RASEF: variants seen among roughly 807,000 people sequenced by gnomAD.
RASEF encodes the protein ras and EF-hand domain-containing protein.
A neutral mutation model predicts 90.1 loss-of-function variants in RASEF; 68 were observed. That is an observed-to-expected ratio of 0.75 (90% CI 0.62 to 0.92). The LOEUF is 0.92. RASEF is among the 40% of genes least tolerant of loss of function. The probability of loss-of-function intolerance (pLI) is 0.00; values close to 1 mark genes in which losing one functional copy is unlikely to be tolerated. For synonymous variants in RASEF, 331 were observed against 345.2 expected, an observed-to-expected ratio of 0.96 and a Z score of 0.46; for missense variants, 949 against 937.2, an observed-to-expected ratio of 1.01 and a Z score of -0.16.
the RASEF span, among the ~76,000 whole-genome samples, chr9:83,153,871 A>T: frequency 4.6e-5 from 7 of 152,230 alleles, no homozygotes; most frequent in African/African-American, 1.4e-4. Flanking sequence ...ATGGAATGTC[A>T]TCTCACTGAG....
intron 1 of RASEF, chr9:83,048,214 G>A: frequency 1.0e-6 from 1 of 985,400 alleles, no homozygotes; most frequent in Non-Finnish European, 1.2e-6. Context: ...TCATCTGACA[G>A]GGACCGGCAG....
chr9:83,128,386 T>C, the RASEF span, among the ~76,000 whole-genome samples: 1 of 152,064 alleles, frequency 6.6e-6, no homozygotes. Context: ...CCTTCACCTA[T>C]TTCATATATA....
the RASEF span, among the ~76,000 whole-genome samples, chr9:83,125,655 G>A: frequency 2.0e-5 from 3 of 152,268 alleles, no homozygotes; most frequent in East Asian, 5.8e-4. Flanking sequence ...AGCAAACATT[G>A]TTAATGAAGT....
chr9:83,086,196 G>A, the RASEF span, among the ~76,000 whole-genome samples: 4 of 152,080 alleles, frequency 2.6e-5, no homozygotes, highest in Non-Finnish European at 5.9e-5. Flanking sequence ...TAAAATCAGA[G>A]ACCATGTATT....
the RASEF span, among the ~76,000 whole-genome samples, chr9:83,122,868 C>T: frequency 1.4e-4 from 22 of 152,208 alleles, no homozygotes; most frequent in Admixed American, 3.9e-4. Flanking sequence ...GGACTGAGTG[C>T]GAAGAGATGA....
the RASEF span, among the ~76,000 whole-genome samples, chr9:83,079,361 G>A: frequency 6.6e-6 from 1 of 151,978 alleles, no homozygotes; most frequent in African/African-American, 2.4e-5. Flanking sequence ...CATAGATGTG[G>A]GGCCTTATTT....
chr9:83,030,641 G>C (rs1829628861), intron 1 of RASEF, among the ~76,000 whole-genome samples: 1 of 152,146 alleles, frequency 6.6e-6, no homozygotes, highest in African/African-American at 2.4e-5. Context: ...TGTTGTGCCA[G>C]GACTCCACCA....
the RASEF span, chr9:83,202,108 T>TCCTA: frequency 7.3e-6 from 1 of 136,590 alleles, no homozygotes; most frequent in Admixed American, 7.7e-5. Flanking sequence ...CACCAATAAA[T>TCCTA]CCTACTTCCT....
chr9:83,188,372 C>T, the RASEF span, among the ~76,000 whole-genome samples: 1 of 152,170 alleles, frequency 6.6e-6, no homozygotes, highest in African/African-American at 2.4e-5. Flanking sequence ...AGTAATAGTT[C>T]ATTCATTTCA....
At chr9:83,086,776 G>C in the RASEF span, among the ~76,000 whole-genome samples, 7 of 152,084 alleles carry the variant, frequency 4.6e-5, no homozygotes, top group African/African-American at 1.7e-4. Flanking sequence ...AAGACTGCTG[G>C]CTTCTCCCAG....
At chr9:83,192,582 G>A in the RASEF span, among the ~76,000 whole-genome samples, 4 of 152,070 alleles carry the variant, frequency 2.6e-5, no homozygotes, top group Non-Finnish European at 5.9e-5. Flanking sequence ...GGAGAGAGGG[G>A]AGCAGAAAAA....
intron 1 of RASEF, among the ~76,000 whole-genome samples, chr9:83,041,164 T>C (rs1411213513): frequency 6.6e-6 from 1 of 152,260 alleles, no homozygotes; most frequent in East Asian, 1.9e-4. Flanking sequence ...CCCGGTGCTC[T>C]GGCCTTTTTA....
chr9:83,205,950 C>T, the RASEF span, among the ~76,000 whole-genome samples: 8 of 152,016 alleles, frequency 5.3e-5, no homozygotes. Context: ...TATAACTACC[C>T]TAAAAATATG....
chr9:82,995,157 A>G (rs1455002800), intron 14 of RASEF, among the ~76,000 whole-genome samples: 2 of 152,248 alleles, frequency 1.3e-5, no homozygotes, highest in Admixed American at 6.5e-5. Context: ...AAAAGATGAC[A>G]ACGTGTGAAG....
At chr9:83,140,683 C>A in the RASEF span, among the ~76,000 whole-genome samples, 1 of 151,902 alleles carries the variant, frequency 6.6e-6, no homozygotes, top group Non-Finnish European at 1.5e-5. Flanking sequence ...ATTTGAACAT[C>A]AAAGAAAGAA....
At chr9:83,208,690 A>G in the RASEF span, among the ~76,000 whole-genome samples, 1 of 152,180 alleles carries the variant, frequency 6.6e-6, no homozygotes, top group Admixed American at 6.5e-5. Flanking sequence ...GCCGCCCACA[A>G]GACCGATAGC....
chr9:83,125,513 T>C, the RASEF span, among the ~76,000 whole-genome samples: 1 of 152,202 alleles, frequency 6.6e-6, no homozygotes, highest in African/African-American at 2.4e-5. Flanking sequence ...TGCACAGGGA[T>C]CTCACAATTT....
chr9:83,011,579 G>GAAAAA (rs1829247775), intron 5 of RASEF, among the ~76,000 whole-genome samples: 3 of 91,334 alleles, frequency 3.3e-5, no homozygotes, highest in African/African-American at 1.2e-4. Context: ...AAAAAAAACT[G>GAAAAA]AAATTTTATA....
chr9:82,983,107 C>CCACACACACACACACACACACA (rs10539196), intron 16 of RASEF, among the ~76,000 whole-genome samples: 1 of 128,560 alleles, frequency 7.8e-6, no homozygotes, highest in African/African-American at 3.0e-5. Context: ...GAGTACCAGG[C>CCACACACACACACACACACACA]CACACACACA....
Sources: allele counts gnomAD v4.1 joint callset (sites outside exome capture counted in the v4.1 genomes callset), GRCh38; gene constraint gnomAD v4.1.1; transcripts MANE v1.5; gene names NCBI Gene and HGNC (gene_info 2026-07-23, HGNC 2026-07-21).